The following C12orf56 variants were observed in gnomAD, a reference collection of about 807,000 sequenced individuals.
C12orf56 encodes the protein chromosome 12 open reading frame 56.
C12orf56 carries 71 observed loss-of-function variants against 69.9 expected under a neutral mutation model. The ratio of observed to expected loss-of-function variants is 1.02; its 90% CI spans 0.84 to 1.24. C12orf56 has a LOEUF of 1.24. C12orf56 is among the 50% of genes most tolerant of loss of function. The pLI, the probability that C12orf56 is intolerant of heterozygous loss-of-function variation, is 0.00. For synonymous variants in C12orf56, 276 were observed against 274.1 expected (o/e 1.01, Z -0.07); for missense variants, 732 against 738.5 (o/e 0.99, Z 0.10).
Position 64,379,927 on chromosome 12 carries a change from CAAAAAAAAAAAAAA to C in C12orf56, c.252+10373_252+10386del, listed in dbSNP as rs200293677. On this transcript the variant is annotated intron_variant, in intron 1 of 12. Transcript: ENST00000543942. ...TGAAACCCCGTCTCCACTAAAAATACAAAAAAAAAAAAAAAAAAAAAAAAGTCTCCGGGCGTGAT... is the reference window on the plus strand; with the variant it reads ...TGAAACCCCGTCTCCACTAAAAATACAAAAAAAAAAGTCTCCGGGCGTGAT... 4.6e-3 allele frequency among the ~76,000 whole-genome samples: 529 copies of C among 114,112 alleles called. 3 individuals are homozygous for C. Among genetic ancestry groups the C allele is most frequent in the Non-Finnish European group, 6.8e-3 (414 of 60,892 alleles). The allele number at this position is 114,112 out of a possible 152,430, so 74.9% of individuals were successfully genotyped here. A position where few individuals can be genotyped will look rare whatever the true frequency, so the allele number is the denominator to read the frequency against.
intron 1 of C12orf56, among the ~76,000 whole-genome samples, chr12:64,380,261 C>G (rs371910760): frequency 9.9e-5 from 15 of 152,038 alleles, no homozygotes; most frequent in Admixed American, 9.2e-4. Context: ...TATCCAGGCT[C>G]TGCCACCCAC....
At chr12:64,281,770 G>A (rs1438714438) in intron 8 of C12orf56, among the ~76,000 whole-genome samples, 1 of 152,006 alleles carries the variant, frequency 6.6e-6, no homozygotes, top group Non-Finnish European at 1.5e-5. Context: ...TCAGGAAAGA[G>A]GCTTGATATA....
At chr12:64,363,220 C>T (rs563730029) in intron 1 of C12orf56, among the ~76,000 whole-genome samples, 42 of 152,120 alleles carry the variant, frequency 2.8e-4, no homozygotes, top group Middle Eastern at 3.2e-3. Context: ...CCAAGTGATG[C>T]ACCAGCTACT....
intron 6 of C12orf56, among the ~76,000 whole-genome samples, chr12:64,298,003 C>T (rs2038390596): frequency 6.6e-6 from 1 of 152,200 alleles, no homozygotes; most frequent in Non-Finnish European, 1.5e-5. Flanking sequence ...CTCCCACCAA[C>T]AGTGTAAAAG....
chr12:64,297,737 A>G (rs2038385974), intron 6 of C12orf56, among the ~76,000 whole-genome samples: 1 of 152,214 alleles, frequency 6.6e-6, no homozygotes, highest in South Asian at 2.1e-4. Flanking sequence ...ATGGCTGCAT[A>G]GTATTCCATG....
intron 2 of C12orf56, among the ~76,000 whole-genome samples, chr12:64,348,570 A>G (rs2039178944): frequency 6.6e-6 from 1 of 152,212 alleles, no homozygotes; most frequent in African/African-American, 2.4e-5. Context: ...CTTGATGGCT[A>G]GCTTTTGGAT....
intron 6 of C12orf56, chr12:64,293,210 TC>T (rs1356156708): frequency 6.6e-6 from 1 of 152,174 alleles, no homozygotes; most frequent in Non-Finnish European, 1.5e-5. Context: ...CTGCTTCTGC[TC>T]GCGCACGGTG....
intron 5 of C12orf56, among the ~76,000 whole-genome samples, chr12:64,308,940 G>GAAAGAAAAAAGAAAAGAAAGA: frequency 1.2e-5 from 1 of 80,828 alleles, no homozygotes; most frequent in Non-Finnish European, 2.5e-5. Flanking sequence ...AAGAAAGAAA[G>GAAAGAAAAAAGAAAAGAAAGA]AAGAAAGAAA....
chr12:64,386,001 ATAAAT>A (rs1471967439), intron 1 of C12orf56, among the ~76,000 whole-genome samples: 1 of 152,038 alleles, frequency 6.6e-6, no homozygotes, highest in African/African-American at 2.4e-5. Flanking sequence ...ATCTCTATAA[ATAAAT>A]TAAATTAATG....
chr12:64,328,005 C>A (rs1380943426), intron 3 of C12orf56, among the ~76,000 whole-genome samples: 3 of 151,812 alleles, frequency 2.0e-5, no homozygotes, highest in African/African-American at 7.3e-5. Flanking sequence ...CTTCCTAAGC[C>A]ATTTTTTTTT....
rs1158536296 is a variant in C12orf56 at position 64,267,254 on chromosome 12, G to C, written c.1798C>G (p.Leu600Val). The change falls in exon 13 of 13, where the codon CTC (leucine) becomes GTC (valine). Residue 600 changes from leucine (L) to valine (V), a missense_variant. Transcript: ENST00000543942. ...TGAGTGATGGGGTAACACAATGGGAGCCTTTTCTGCAAGGCTGGCATGTGA... is the reference window on the plus strand; with the variant it reads ...TGAGTGATGGGGTAACACAATGGGACCCTTTTCTGCAAGGCTGGCATGTGA... Reference protein sequence around the residue: ...FIHMPALQKRLPLCYPITQPT... With the variant: ...FIHMPALQKRVPLCYPITQPT... 6.2e-7 allele frequency: 1 copy of C among 1,612,084 alleles called. No individual in the cohort carries two copies. The highest frequency in any genetic ancestry group is 1.1e-5 in the South Asian group (1 of 90,396).
chr12:64,349,102 C>T (rs960357086), intron 2 of C12orf56, among the ~76,000 whole-genome samples: 1 of 152,156 alleles, frequency 6.6e-6, no homozygotes, highest in Non-Finnish European at 1.5e-5. Context: ...AAATGATTCT[C>T]CTGCCTTCAC....
intron 1 of C12orf56, among the ~76,000 whole-genome samples, chr12:64,358,482 A>AATAACCATCATCATCATCATC (rs11275269): frequency 7.9e-6 from 1 of 125,944 alleles, no homozygotes; most frequent in Non-Finnish European, 1.6e-5. Flanking sequence ...TAATAATAAT[A>AATAACCATCATCATCATCATC]ATCATCATCA....
chr12:64,270,468 G>T (rs978325514), intron 12 of C12orf56, 68 bp downstream of exon 12: 7 of 1,235,072 alleles, frequency 5.7e-6, no homozygotes, highest in South Asian at 1.6e-5. Context: ...GGACCATGTT[G>T]CAGGTTTGCA....
At chr12:64,380,183 C>T (rs2039701944) in intron 1 of C12orf56, among the ~76,000 whole-genome samples, 1 of 143,034 alleles carries the variant, frequency 7.0e-6, no homozygotes, top group Non-Finnish European at 1.5e-5. Context: ...ACACAGGGAT[C>T]ATCTCACAAT....
Position 64,318,853 on chromosome 12 carries a change from G to C in C12orf56, c.616C>G (p.Gln206Glu). 1 of 1,537,220 alleles carries C rather than the reference G, an allele frequency of 6.5e-7. No homozygotes were observed. The highest frequency in any genetic ancestry group is 8.7e-7 in the Non-Finnish European group (1 of 1,146,918). Reference protein sequence around the residue: ...PLPSPSRRSSQSAPTTGKAVS... With the variant: ...PLPSPSRRSSESAPTTGKAVS... ...GCCTTGCCAGTTGTTGGTGCAGACT[G>C]AGAGCTCCTCCTGGAGGGGGAAGGT... The change falls in exon 4 of 13, where the codon CAG (glutamine) becomes GAG (glutamate). Residue 206 changes from glutamine to glutamate, a missense_variant. Transcript: ENST00000543942.
intron 2 of C12orf56, among the ~76,000 whole-genome samples, chr12:64,339,384 T>A (rs1170595830): frequency 2.0e-5 from 3 of 152,074 alleles, no homozygotes; most frequent in Admixed American, 2.0e-4. Flanking sequence ...CAGTTTATTA[T>A]AAAGGATTAT....
intron 1 of C12orf56, among the ~76,000 whole-genome samples, chr12:64,365,781 AAT>A (rs1237813459): frequency 7.7e-5 from 11 of 142,056 alleles, no homozygotes; most frequent in Admixed American, 5.9e-4. Context: ...ACATATAATA[AAT>A]ATATAATGTA....
intron 4 of C12orf56, among the ~76,000 whole-genome samples, chr12:64,314,121 T>G (rs1440006012): frequency 6.6e-6 from 1 of 150,998 alleles, no homozygotes; most frequent in East Asian, 2.0e-4. Context: ...GGTCTCACTC[T>G]GTCACCCAGG....
Sources: gnomAD v4.1 joint callset for allele counts (sites outside exome capture counted in the v4.1 genomes callset) on GRCh38, gnomAD v4.1.1 for gene constraint, MANE v1.5 for transcripts, NCBI Gene and HGNC (gene_info 2026-07-23, HGNC 2026-07-21) for gene names.